Variants in CPNE4 observed in about 807,000 individuals in gnomAD.
CPNE4 encodes copine 4, also known as copine-4.
CPNE4 carries 25 observed loss-of-function variants against 67.9 expected under a neutral mutation model. The ratio of observed to expected loss-of-function variants is 0.37; its 90% confidence interval spans 0.27 to 0.51. The LOEUF is 0.51. CPNE4 is among the 20% of genes least tolerant of loss of function. The probability of loss-of-function intolerance (pLI) is 0.93; values close to 1 mark genes in which losing one functional copy is unlikely to be tolerated. For missense variants in CPNE4, 464 were observed against 690.8 expected (o/e 0.67, Z 3.68); for synonymous variants, 242 against 244.9 (o/e 0.99, Z 0.11).
At chr3:131,731,334 G>C (rs891949136) in intron 2 of CPNE4, among the ~76,000 whole-genome samples, 3 of 152,200 alleles carry the variant, frequency 2.0e-5, no homozygotes, top group African/African-American at 7.2e-5. Flanking sequence ...AATGAAATGA[G>C]TATCCCCCGT....
rs555659120 is a variant in CPNE4 at position 131,575,518 on chromosome 3, A to C, written c.868-388T>G. ...AAGTCCCAGTCCTGGTGACATTCTTAATATGCAGGTAATTTAGATAGGCAG... is the reference window on the plus strand; with the variant it reads ...AAGTCCCAGTCCTGGTGACATTCTTCATATGCAGGTAATTTAGATAGGCAG... On this transcript the variant is annotated intron_variant, in intron 9 of 15. Transcript: ENST00000429747. 2.0e-5 allele frequency among the ~76,000 whole-genome samples: 3 copies of C among 152,250 alleles called. No homozygotes were observed. The South Asian group carries it at 6.2e-4, about 32-fold the overall frequency.
chr3:131,575,451 A>G (rs573053806), intron 9 of CPNE4, among the ~76,000 whole-genome samples: 2 of 152,278 alleles, frequency 1.3e-5, no homozygotes, highest in South Asian at 2.1e-4. Flanking sequence ...TTTGAAATCA[A>G]TGATGTCTCA....
chr3:131,797,223 G>A (rs909144733), intron 2 of CPNE4, among the ~76,000 whole-genome samples: 3 of 152,200 alleles, frequency 2.0e-5, no homozygotes, highest in African/African-American at 7.2e-5. Context: ...GATTTGCAAT[G>A]ACCTAGCTTC....
chr3:131,985,869 C>T (rs903534919), intron 1 of CPNE4: 2 of 153,956 alleles, frequency 1.3e-5, no homozygotes, highest in African/African-American at 4.8e-5. Flanking sequence ...CTTGTTTAGG[C>T]CATCATCCTG....
At chr3:131,746,321 C>A (rs1196264520) in intron 2 of CPNE4, among the ~76,000 whole-genome samples, 2 of 152,076 alleles carry the variant, frequency 1.3e-5, no homozygotes, top group African/African-American at 2.4e-5. Flanking sequence ...ATATGCAATA[C>A]ATTGTTGTCA....
intron 6 of CPNE4, among the ~76,000 whole-genome samples, chr3:131,681,157 T>C (rs2080742401): frequency 6.6e-6 from 1 of 152,228 alleles, no homozygotes; most frequent in Non-Finnish European, 1.5e-5. Context: ...CCCTTTCTAC[T>C]CAAAATATTG....
chr3:131,932,984 G>A (rs924593886), intron 1 of CPNE4, among the ~76,000 whole-genome samples: 1 of 152,108 alleles, frequency 6.6e-6, no homozygotes, highest in Non-Finnish European at 1.5e-5. Flanking sequence ...TTGTGCTCCT[G>A]GGCAACAGAG....
chr3:131,817,785 C>A (rs2084802388), intron 2 of CPNE4, among the ~76,000 whole-genome samples: 1 of 152,190 alleles, frequency 6.6e-6, no homozygotes, highest in South Asian at 2.1e-4. Flanking sequence ...GAGACGTATT[C>A]TCTTGAATGA....
At chr3:131,751,086 C>T (rs1355104689) in intron 2 of CPNE4, among the ~76,000 whole-genome samples, 1 of 151,792 alleles carries the variant, frequency 6.6e-6, no homozygotes, top group African/African-American at 2.4e-5. Flanking sequence ...TTTTCTTTGT[C>T]CTTAGTTTTC....
At chr3:132,008,952 A>G (rs4854868) in intron 1 of CPNE4, among the ~76,000 whole-genome samples, 146,829 of 152,198 alleles carry the variant, frequency 0.96, 71,037 homozygotes, top group African/African-American at 0.99. Flanking sequence ...GAGCAGCCTT[A>G]AAACCTGCTC....
intron 7 of CPNE4, among the ~76,000 whole-genome samples, chr3:131,604,499 G>A (rs574784118): frequency 6.6e-6 from 1 of 151,996 alleles, no homozygotes; most frequent in Non-Finnish European, 1.5e-5. Flanking sequence ...TCAGTGGGCT[G>A]GGAAAGGCAG....
chr3:132,025,069 G>A (rs965263885), intron 1 of CPNE4, among the ~76,000 whole-genome samples: 6 of 152,120 alleles, frequency 3.9e-5, no homozygotes, highest in African/African-American at 9.7e-5. Context: ...CCATCACTTC[G>A]GGTTTTAACA....
chr3:131,817,018 C>G, intron 2 of CPNE4, among the ~76,000 whole-genome samples: 1 of 152,310 alleles, frequency 6.6e-6, no homozygotes. Flanking sequence ...AACTTTTCTT[C>G]AGGAAGAAGT....
intron 1 of CPNE4, among the ~76,000 whole-genome samples, chr3:132,015,589 A>C (rs933755994): frequency 6.6e-6 from 1 of 152,184 alleles, no homozygotes; most frequent in Non-Finnish European, 1.5e-5. Context: ...ATAATCAGTC[A>C]AAACGTACCA....
chr3:131,566,095 C>T (rs922564491), intron 10 of CPNE4, among the ~76,000 whole-genome samples: 1 of 151,784 alleles, frequency 6.6e-6, no homozygotes, highest in Admixed American at 6.6e-5. Flanking sequence ...CATCATACAT[C>T]CAGGAGAACA....
intron 1 of CPNE4, among the ~76,000 whole-genome samples, chr3:132,006,655 A>ATTTT (rs113475309): frequency 0.019 from 2,891 of 149,474 alleles, 80 homozygotes; most frequent in South Asian, 0.079. Context: ...CTTTCTTTCC[A>ATTTT]TTTTTTTTTG....
chr3:131,956,027 T>C (rs1221154793), intron 1 of CPNE4, among the ~76,000 whole-genome samples: 2 of 152,330 alleles, frequency 1.3e-5, no homozygotes, highest in South Asian at 2.1e-4. Context: ...GATAGATAGA[T>C]AGATATTGAT....
intron 2 of CPNE4, among the ~76,000 whole-genome samples, chr3:131,870,816 A>G (rs990487610): frequency 1.3e-5 from 2 of 152,198 alleles, no homozygotes; most frequent in Non-Finnish European, 2.9e-5. Flanking sequence ...ACACTAAGCC[A>G]CATTAGAGAC....
intron 2 of CPNE4, among the ~76,000 whole-genome samples, chr3:131,755,294 C>T (rs1205902030): frequency 1.3e-5 from 2 of 151,604 alleles, no homozygotes; most frequent in Non-Finnish European, 1.5e-5. Context: ...ATAAACTAAG[C>T]TATTGGCTGA....
Sources: allele counts gnomAD v4.1 joint callset (sites outside exome capture counted in the v4.1 genomes callset), GRCh38; gene constraint gnomAD v4.1.1; transcripts MANE v1.5; gene names NCBI Gene and HGNC (gene_info 2026-07-23, HGNC 2026-07-21).